JAM2: variants seen among roughly 807,000 people sequenced by gnomAD.
The protein encoded by JAM2 is junctional adhesion molecule B.
In JAM2, 17 loss-of-function variants were observed where a neutral mutation model predicts 42.0. The observed-to-expected ratio is 0.40, with a 90% CI of 0.28 to 0.61. JAM2 has a LOEUF of 0.61. Ranked by LOEUF, JAM2 falls within the 20% of genes least tolerant of loss-of-function variation. The pLI is 0.37. For missense variants in JAM2, 319 were observed against 358.3 expected, an observed-to-expected ratio of 0.89 and a Z score of 0.89; for synonymous variants, 118 against 128.6, an observed-to-expected ratio of 0.92 and a Z score of 0.56.
At chr21:25,676,059 G>C (rs1026523721) in intron 1 of JAM2, among the ~76,000 whole-genome samples, 1 of 152,032 alleles carries the variant, frequency 6.6e-6, no homozygotes, top group Non-Finnish European at 1.5e-5. Flanking sequence ...AGGCCAAGGT[G>C]GGCAGATCAC....
chr21:25,665,938 G>A (rs948518488), intron 1 of JAM2, among the ~76,000 whole-genome samples: 1 of 152,090 alleles, frequency 6.6e-6, no homozygotes, highest in East Asian at 1.9e-4. Flanking sequence ...TACTCGGGAG[G>A]CTGAGGCAGG....
At chr21:25,648,295 C>G (rs1244173334) in intron 1 of JAM2, among the ~76,000 whole-genome samples, 2 of 152,234 alleles carry the variant, frequency 1.3e-5, no homozygotes, top group Non-Finnish European at 1.5e-5. Flanking sequence ...TAAACAATAA[C>G]TCAAGTATGC....
intron 1 of JAM2, among the ~76,000 whole-genome samples, chr21:25,682,466 C>G (rs570601597): frequency 5.3e-5 from 8 of 152,358 alleles, no homozygotes; most frequent in Non-Finnish European, 8.8e-5. Context: ...CCTCGCAGGA[C>G]GTGCGACAGG....
intron 1 of JAM2, among the ~76,000 whole-genome samples, chr21:25,640,336 C>T (rs2032397343): frequency 6.6e-6 from 1 of 152,214 alleles, no homozygotes; most frequent in Admixed American, 6.5e-5. Context: ...GGTCTGGGCT[C>T]TGTAGCGTCC....
chr21:25,641,496 A>G (rs1383322878), intron 1 of JAM2, among the ~76,000 whole-genome samples: 2 of 152,056 alleles, frequency 1.3e-5, no homozygotes, highest in African/African-American at 2.4e-5. Context: ...CTTGATTCCT[A>G]TAGGGGATGT....
At chr21:25,665,068 C>T (rs1176561018) in intron 1 of JAM2, among the ~76,000 whole-genome samples, 2 of 152,148 alleles carry the variant, frequency 1.3e-5, no homozygotes, top group African/African-American at 4.8e-5. Flanking sequence ...AGAGTGTTGC[C>T]TAGGGCTTTA....
Position 25,698,931 on chromosome 21 carries a change from A to G in JAM2, c.597+52A>G, listed in dbSNP as rs565885820. On this transcript the variant is annotated intron_variant, in intron 5 of 9. Transcript: ENST00000480456. ...ATAACTGTCTTGCATTTGGATAAAA[A>G]AATTATTAGAACTTAAGATGACGTT... is the stretch of plus-strand genomic sequence containing the variant. The G allele has an allele frequency of 3.4e-4, 508 of 1,479,050 alleles. 1 individual carries two copies. The highest frequency in any genetic ancestry group is 4.4e-4 in the Admixed American group (26 of 59,320). The allele number at this position is 1,479,050 out of a possible 1,614,324, so 91.6% of individuals were successfully genotyped here. A position where few individuals can be genotyped will look rare whatever the true frequency, so the allele number is the denominator to read the frequency against.
At chr21:25,652,407 GAAAT>G (rs1410546042) in intron 1 of JAM2, among the ~76,000 whole-genome samples, 2 of 151,760 alleles carry the variant, frequency 1.3e-5, no homozygotes, top group African/African-American at 4.8e-5. Context: ...GAAAAAAAAA[GAAAT>G]AAGGAAATGA....
intron 7 of JAM2, among the ~76,000 whole-genome samples, chr21:25,708,969 C>T (rs2034328280): frequency 6.6e-6 from 1 of 152,076 alleles, no homozygotes; most frequent in Admixed American, 6.6e-5. Flanking sequence ...TCTGCCCTCC[C>T]CGCCTATTTT....
chr21:25,700,812 A>G (rs1010272344), intron 5 of JAM2, among the ~76,000 whole-genome samples: 13 of 152,248 alleles, frequency 8.5e-5, no homozygotes, highest in Non-Finnish European at 1.6e-4. Context: ...TTACTTCTTA[A>G]GCTCTGGCCT....
chr21:25,641,542 C>T (rs565771391), intron 1 of JAM2, among the ~76,000 whole-genome samples: 61 of 151,514 alleles, frequency 4.0e-4, no homozygotes, highest in African/African-American at 1.3e-3. Context: ...CTATATTGTT[C>T]CTGGGATACT....
intron 1 of JAM2, among the ~76,000 whole-genome samples, chr21:25,648,866 T>C (rs1010953618): frequency 6.6e-6 from 1 of 152,234 alleles, no homozygotes; most frequent in Non-Finnish European, 1.5e-5. Context: ...TTACATAAGC[T>C]GGAATTTAAT....
At chr21:25,671,107 T>C (rs2033349830) in intron 1 of JAM2, among the ~76,000 whole-genome samples, 1 of 152,204 alleles carries the variant, frequency 6.6e-6, no homozygotes, top group Non-Finnish European at 1.5e-5. Flanking sequence ...ATAGAAAGTG[T>C]GCATGCTAAA....
chr21:25,642,793 A>G (rs1486991314), intron 1 of JAM2, among the ~76,000 whole-genome samples: 1 of 152,194 alleles, frequency 6.6e-6, no homozygotes, highest in Admixed American at 6.5e-5. Context: ...ATGCCTGTTG[A>G]TTCTATGGTG....
At chr21:25,669,373 AAAAAAAG>A (rs200987581) in intron 1 of JAM2, among the ~76,000 whole-genome samples, 97 of 105,332 alleles carry the variant, frequency 9.2e-4, no homozygotes, top group Admixed American at 2.3e-3. Context: ...CCCTGTCTCA[AAAAAAAG>A]AAAAAAAAGA....
chr21:25,642,821 T>C (rs1011501044), intron 1 of JAM2, among the ~76,000 whole-genome samples: 1 of 152,234 alleles, frequency 6.6e-6, no homozygotes, highest in Non-Finnish European at 1.5e-5. Context: ...CCATTCAGGC[T>C]GCTGTAACAA....
At chr21:25,682,861 T>A (rs962439787) in intron 1 of JAM2, among the ~76,000 whole-genome samples, 35 of 152,010 alleles carry the variant, frequency 2.3e-4, no homozygotes, top group African/African-American at 8.2e-4. Context: ...AGAGGCCGAA[T>A]ACTTCTCTGA....
chr21:25,678,319 G>T (rs2033547703), intron 1 of JAM2, among the ~76,000 whole-genome samples: 1 of 152,166 alleles, frequency 6.6e-6, no homozygotes, highest in African/African-American at 2.4e-5. Flanking sequence ...TTCTGGCTTG[G>T]TCTCCTGTCT....
intron 9 of JAM2, among the ~76,000 whole-genome samples, chr21:25,713,698 C>T (rs2034426969): frequency 6.6e-6 from 1 of 152,174 alleles, no homozygotes; most frequent in Non-Finnish European, 1.5e-5. Context: ...ACACTGAAAG[C>T]TTACTGATGT....
Sources: gnomAD v4.1 joint callset for allele counts (sites outside exome capture counted in the v4.1 genomes callset) on GRCh38, gnomAD v4.1.1 for gene constraint, MANE v1.5 for transcripts, NCBI Gene and HGNC (gene_info 2026-07-23, HGNC 2026-07-21) for gene names.